Variants in ASB18 observed in about 807,000 individuals in gnomAD.
The protein encoded by ASB18 is ankyrin repeat and SOCS box protein 18.
In ASB18, 33 loss-of-function variants were observed where a neutral mutation model predicts 33.4. The ratio of observed to expected loss-of-function variants is 0.99; its 90% CI spans 0.75 to 1.32. ASB18 has a LOEUF of 1.32. Ranked by LOEUF, ASB18 falls within the 40% of genes most tolerant of loss-of-function variation. The pLI is 0.00. For missense variants in ASB18, 694 were observed against 655.5 expected (o/e 1.06, Z -0.64); for synonymous variants, 295 against 307.6 (o/e 0.96, Z 0.43).
rs866164129 is a variant in ASB18 at position 236,202,792 on chromosome 2, A to T, written c.1102-6407T>A. On this transcript the variant is annotated intron_variant, in intron 4 of 5. Coordinates refer to ENST00000409749, the MANE Select transcript of ASB18 (RefSeq NM_212556.4). ...GACTCCGTCTCAAAAAAAAAAAAAA[A>T]AAATATATATATATATATATATACA... is the stretch of plus-strand genomic sequence containing the variant. 1.0e-3 allele frequency among the ~76,000 whole-genome samples: 116 copies of T among 114,124 alleles called. 2 individuals are homozygous for T. Among genetic ancestry groups the T allele is most frequent in the East Asian group, 8.1e-3 (33 of 4,088 alleles). 74.9% of individuals were successfully genotyped at this position (114,124 alleles called of 152,430 possible).
In ASB18 at chr2:236,214,612, GC is replaced by G. The variant is rs1395454790; in HGVS notation, c.850del (p.Ala284ArgfsTer86). 1 of 1,213,630 alleles carries G rather than the reference GC, an allele frequency of 8.2e-7. No homozygotes were observed. The highest frequency in any genetic ancestry group is 1.0e-6 in the Non-Finnish European group (1 of 977,966). 75.2% of individuals were successfully genotyped at this position (1,213,630 alleles called of 1,614,324 possible). ...RLCALLLRRG[A>X]EADARDEDER... ...GTCCTCGTCGCGCGCGTCCGCCTCC[GC>G]CCCGCGCCGCAGCAGCAGCGCGCAC... On this transcript the variant is annotated frameshift_variant, in exon 4 of 6. Coordinates refer to ENST00000409749, the MANE Select transcript of ASB18 (RefSeq NM_212556.4). LOFTEE classifies it high-confidence loss of function. This position sits in a 1 kb window ranked among gnomAD's most constrained non-coding sequence, Gnocchi z 6.5.
intron 3 of ASB18, among the ~76,000 whole-genome samples, chr2:236,224,170 A>G (rs1158818949): frequency 2.4e-5 from 3 of 122,896 alleles, no homozygotes; most frequent in Non-Finnish European, 5.1e-5. Flanking sequence ...TCTTGTCAAC[A>G]TTTGGTGTTG....
chr2:236,241,346 C>T lies in ASB18; in HGVS notation c.262G>A (p.Val88Met), dbSNP rs772503213. 2 of 1,613,826 alleles carry T rather than the reference C, an allele frequency of 1.2e-6. No individual in the cohort carries two copies. Among genetic ancestry groups the T allele is most frequent in the Non-Finnish European group, 8.5e-7 (1 of 1,179,854 alleles). The change falls in exon 2 of 6, where the codon GTG becomes ATG. Residue 88 changes from valine (V) to methionine (M), a missense_variant. Transcript: ENST00000409749. The surrounding 1 kb of genome is among the most constrained non-coding windows in gnomAD (Gnocchi z 4.2). ...ATCTCATCCTTATTGATCTCAAACA[C>T]CACGTTGGCATCCTGGAAGAACTGG... Reference protein sequence around the residue: ...MDQFFQDANVVFEINKDEMEW... With the variant: ...MDQFFQDANVMFEINKDEMEW...
Position 236,241,992 on chromosome 2 carries a change from A to T in ASB18, c.206-590T>A, listed in dbSNP as rs563486656. On this transcript the variant is annotated intron_variant, in intron 1 of 5. Coordinates refer to ENST00000409749, the MANE Select transcript of ASB18 (RefSeq NM_212556.4). This position sits in a 1 kb window ranked among gnomAD's most constrained non-coding sequence, Gnocchi z 4.2. ...GTAATATCCTCTCAGATTTTTTTTT[A>T]AAGTACTATATTTGGAATCTGGAAA... 1.8e-4 allele frequency among the ~76,000 whole-genome samples: 28 copies of T among 152,198 alleles called. 1 individual carries two copies. The South Asian group carries it at 5.8e-3, about 32-fold the overall frequency.
rs1360362316 is a variant in ASB18, at chr2:236,204,059, T to A, written c.1102-7674A>T. Among the ~76,000 whole-genome samples, 1 of 151,976 alleles carries A rather than the reference T, an allele frequency of 6.6e-6. No individual in the cohort carries two copies. Among genetic ancestry groups the A allele is most frequent in the South Asian group, 2.1e-4 (1 of 4,808 alleles). On this transcript the variant is annotated intron_variant, in intron 4 of 5. Transcript: ENST00000409749. This position sits in a 1 kb window ranked among gnomAD's most constrained non-coding sequence, Gnocchi z 5.1. ...GTCAGGAGGGTAGGAGATTTTGAGA[T>A]ATATTTAGGGGGAAGAGTGGGGAGA...
In ASB18 at chr2:236,209,739, T is replaced by C. The variant is rs1036150919; in HGVS notation, c.1101+4623A>G. On this transcript the variant is annotated intron_variant, in intron 4 of 5. Transcript: ENST00000409749. The surrounding 1 kb of genome is among the most constrained non-coding windows in gnomAD (Gnocchi z 4.4). ...ATGATGTCATCTCCTTCCTTGAAAA[T>C]GATGTAATCAACTCCCAATATTCCA... is the stretch of plus-strand genomic sequence containing the variant. Among the ~76,000 whole-genome samples the C allele has an allele frequency of 3.9e-5, 6 of 152,228 alleles. No individual in the cohort carries two copies. The highest frequency in any genetic ancestry group is 7.3e-5 in the Non-Finnish European group (5 of 68,046).
rs1362720572 is a variant in ASB18 at position 236,222,674 on chromosome 2, C to G, written c.597-7808G>C. 6.6e-6 allele frequency among the ~76,000 whole-genome samples: 1 copy of G among 152,098 alleles called. No individual in the cohort carries two copies. Among genetic ancestry groups the G allele is most frequent in the Admixed American group, 6.5e-5 (1 of 15,276 alleles). ...TCTCTCACGAATGGTTTAGTACCAT[C>G]CCCTTGGTGCTTTCCTCACGATAGC... On this transcript the variant is annotated intron_variant, in intron 3 of 5. Transcript: ENST00000409749. This position sits in a 1 kb window ranked among gnomAD's most constrained non-coding sequence, Gnocchi z 5.5.
chr2:236,239,018 A>AG lies in ASB18; in HGVS notation c.329-1063dup, dbSNP rs1440625237. On this transcript the variant is annotated intron_variant, in intron 2 of 5. Coordinates refer to ENST00000409749, the MANE Select transcript of ASB18 (RefSeq NM_212556.4). This position sits in a 1 kb window ranked among gnomAD's most constrained non-coding sequence, Gnocchi z 5.6. ...AGCTTGTTGTGCACTCAGTGGGGGA[A>AG]GGGGGGCCTGTGGGACTGGCATGGA... Among the ~76,000 whole-genome samples, 1 of 152,200 alleles carries AG rather than the reference A, an allele frequency of 6.6e-6. No homozygotes were observed. Among genetic ancestry groups the AG allele is most frequent in the Non-Finnish European group, 1.5e-5 (1 of 68,002 alleles).
rs1429586142 is a variant in ASB18, at chr2:236,203,868, A to AAAACC, written c.1102-7488_1102-7484dup. 1.4e-4 allele frequency among the ~76,000 whole-genome samples: 21 copies of AAAACC among 151,900 alleles called. No homozygotes were observed. Among genetic ancestry groups the AAAACC allele is most frequent in the South Asian group, 2.1e-4 (1 of 4,812 alleles). On this transcript the variant is annotated intron_variant, in intron 4 of 5. Transcript: ENST00000409749. The surrounding 1 kb of genome is among the most constrained non-coding windows in gnomAD (Gnocchi z 6.0). ...GGCAACAGAGTGACACCCCCTCTCA[A>AAAACC]AAACCAAACCAAACCAAACCAACCA...
At position 236,237,187 on chromosome 2, in the gene ASB18, A is replaced by G. The variant is rs1369426117; in HGVS notation, c.596+502T>C. On this transcript the variant is annotated intron_variant, in intron 3 of 5. Coordinates refer to ENST00000409749, the MANE Select transcript of ASB18 (RefSeq NM_212556.4). The surrounding 1 kb of genome is among the most constrained non-coding windows in gnomAD (Gnocchi z 6.2). The stretch of plus-strand genomic sequence containing the variant: ...TGTGACAATTATTCTGCATAAAATT[A>G]TCATTAAAAACCCTAATTTTTCAGC... 1.3e-5 allele frequency among the ~76,000 whole-genome samples: 2 copies of G among 152,150 alleles called. No individual in the cohort carries two copies. The highest frequency in any genetic ancestry group is 2.4e-5 in the African/African-American group (1 of 41,444).
intron 3 of ASB18, among the ~76,000 whole-genome samples, chr2:236,224,702 C>A (rs2060529114): frequency 6.6e-6 from 1 of 152,228 alleles, no homozygotes; most frequent in African/African-American, 2.4e-5. Flanking sequence ...GTTTTCTAAT[C>A]TGTGTACCAT....
chr2:236,258,394 G>A (rs970107786), intron 1 of ASB18, among the ~76,000 whole-genome samples: 2 of 152,212 alleles, frequency 1.3e-5, no homozygotes, highest in African/African-American at 4.8e-5. Flanking sequence ...CATGTTCAAG[G>A]TCACACAGGT....
rs1418181252 is a variant in ASB18, at chr2:236,241,561, A to C, written c.206-159T>G. The stretch of plus-strand genomic sequence containing the variant: ...TTCAGAAGAGTTCTTCAGGAACGGG[A>C]AAGATGGTCTTATGGAGTGTGAGCT... On this transcript the variant is annotated intron_variant, in intron 1 of 5. Coordinates refer to ENST00000409749, the MANE Select transcript of ASB18 (RefSeq NM_212556.4). This position sits in a 1 kb window ranked among gnomAD's most constrained non-coding sequence, Gnocchi z 4.2. 4 of 826,178 alleles carry C rather than the reference A, an allele frequency of 4.8e-6. No individual in the cohort carries two copies. Among genetic ancestry groups the C allele is most frequent in the Non-Finnish European group, 8.1e-6 (4 of 496,546 alleles). 51.2% of individuals were successfully genotyped at this position (826,178 alleles called of 1,614,324 possible). A position where few individuals can be genotyped will look rare whatever the true frequency, so the allele number is the denominator to read the frequency against.
In ASB18 at chr2:236,238,823, T is replaced by C. The variant is rs1417170964; in HGVS notation, c.329-867A>G. Among the ~76,000 whole-genome samples the C allele has an allele frequency of 6.6e-6, 1 of 152,142 alleles. No homozygotes were observed. The highest frequency in any genetic ancestry group is 6.5e-5 in the Admixed American group (1 of 15,278). ...ACATGGCAGGAAGGCCTTCTGATAA[T>C]GATGGAAGAATCGATACTGTGGCTG... On this transcript the variant is annotated intron_variant, in intron 2 of 5. Coordinates refer to ENST00000409749, the MANE Select transcript of ASB18 (RefSeq NM_212556.4). This position sits in a 1 kb window ranked among gnomAD's most constrained non-coding sequence, Gnocchi z 5.2.
chr2:236,216,344 C>T lies in ASB18; in HGVS notation c.597-1478G>A, dbSNP rs1384695149. ...TCAGCTTCATTCAGGGTGCAGCTCC[C>T]AGGAACTCCCTCACCTGCCTGCCTT... On this transcript the variant is annotated intron_variant, in intron 3 of 5. Transcript: ENST00000409749. The surrounding 1 kb of genome is among the most constrained non-coding windows in gnomAD (Gnocchi z 6.1). 6.6e-6 allele frequency among the ~76,000 whole-genome samples: 1 copy of T among 152,214 alleles called. No homozygotes were observed. The highest frequency in any genetic ancestry group is 1.9e-4 in the East Asian group (1 of 5,196).
intron 4 of ASB18, among the ~76,000 whole-genome samples, chr2:236,212,604 A>ATCCTGT (rs1236906412): frequency 6.6e-6 from 1 of 152,012 alleles, no homozygotes. Flanking sequence ...CTTTTGGCCC[A>ATCCTGT]TCCTGTAACT....
Position 236,214,317 on chromosome 2 carries a change from G to A in ASB18, c.1101+45C>T. On this transcript the variant is annotated intron_variant, in intron 4 of 5. Coordinates refer to ENST00000409749, the MANE Select transcript of ASB18 (RefSeq NM_212556.4). This position sits in a 1 kb window ranked among gnomAD's most constrained non-coding sequence, Gnocchi z 6.5. ...CAGCTCCCAGGCCGGTCACTAAGTG[G>A]CAAAACTCCAGGGCACGTGCCAGCC... 6.5e-7 allele frequency: 1 copy of A among 1,537,446 alleles called. No individual in the cohort carries two copies.
chr2:236,258,303 A>G (rs1043180699), intron 1 of ASB18, among the ~76,000 whole-genome samples: 2 of 152,210 alleles, frequency 1.3e-5, no homozygotes, highest in Non-Finnish European at 2.9e-5. Context: ...GAGTTAGTCC[A>G]ATTGGTAAAG....
Position 236,248,038 on chromosome 2 carries a change from T to C in ASB18, c.206-6636A>G, listed in dbSNP as rs1327965412. The stretch of plus-strand genomic sequence containing the variant: ...GGTTATCATAAATATGCAGACGGGG[T>C]GTAGGCAGCAACATGCAATGCCAGT... On this transcript the variant is annotated intron_variant, in intron 1 of 5. Coordinates refer to ENST00000409749, the MANE Select transcript of ASB18 (RefSeq NM_212556.4). This position sits in a 1 kb window ranked among gnomAD's most constrained non-coding sequence, Gnocchi z 4.9. The C allele has an allele frequency of 6.6e-6, 1 of 152,046 alleles. No individual in the cohort carries two copies. The highest frequency in any genetic ancestry group is 1.5e-5 in the Non-Finnish European group (1 of 68,002). The allele number at this position is 152,046 out of a possible 1,614,324, so 9.4% of individuals were successfully genotyped here.
Sources: allele counts gnomAD v4.1 joint callset (sites outside exome capture counted in the v4.1 genomes callset), GRCh38; gene constraint gnomAD v4.1.1; non-coding constraint Gnocchi (gnomAD v3.1); transcripts MANE v1.5; gene names NCBI Gene and HGNC (gene_info 2026-07-23, HGNC 2026-07-21).